SUGCT: variants seen among roughly 807,000 people sequenced by gnomAD.
SUGCT encodes the protein succinyl-CoA:glutarate CoA-transferase.
SUGCT carries 41 observed loss-of-function variants against 55.0 expected under a neutral mutation model. That is an observed-to-expected ratio of 0.74 (90% CI 0.58 to 0.97). The LOEUF (loss-of-function observed/expected upper bound fraction) is 0.97. Ranked by LOEUF, SUGCT falls within the 50% of genes least tolerant of loss-of-function variation. The pLI is 0.00. For missense variants in SUGCT, 568 were observed against 547.8 expected, an observed-to-expected ratio of 1.04 and a Z score of -0.37; for synonymous variants, 187 against 200.4, an observed-to-expected ratio of 0.93 and a Z score of 0.56.
At chr7:40,853,147 T>C (rs1309780785) in intron 13 of SUGCT, among the ~76,000 whole-genome samples, 2 of 151,928 alleles carry the variant, frequency 1.3e-5, no homozygotes, top group Non-Finnish European at 1.5e-5. Context: ...TTTGCTAATA[T>C]ATATGTAGAT....
chr7:41,018,762 T>G, the SUGCT span, among the ~76,000 whole-genome samples: 1 of 152,230 alleles, frequency 6.6e-6, no homozygotes, highest in Non-Finnish European at 1.5e-5. Context: ...GGTACTGCAT[T>G]AACTATTCTG....
At chr7:40,632,058 C>T (rs1273566974) in intron 12 of SUGCT, among the ~76,000 whole-genome samples, 2 of 152,168 alleles carry the variant, frequency 1.3e-5, no homozygotes, top group Non-Finnish European at 2.9e-5. Flanking sequence ...GGAGCAGGAT[C>T]TCATTTCCCA....
intron 9 of SUGCT, among the ~76,000 whole-genome samples, chr7:40,348,339 A>T (rs1199374423): frequency 6.6e-6 from 1 of 152,184 alleles, no homozygotes; most frequent in African/African-American, 2.4e-5. Flanking sequence ...TTCTGCTCTG[A>T]CCAGGGTCTG....
At chr7:40,859,805 C>T (rs1462603476) in intron 13 of SUGCT, among the ~76,000 whole-genome samples, 1 of 152,200 alleles carries the variant, frequency 6.6e-6, no homozygotes, top group African/African-American at 2.4e-5. Context: ...ACTTCTTCTA[C>T]CACCAAAAGC....
At chr7:40,737,952 C>T (rs1312085036) in intron 12 of SUGCT, among the ~76,000 whole-genome samples, 1 of 151,412 alleles carries the variant, frequency 6.6e-6, no homozygotes, top group African/African-American at 2.4e-5. Context: ...AGGCCGGGCG[C>T]AGAGGCTCAT....
At position 40,655,941 on chromosome 7, in the gene SUGCT, G is replaced by A. The variant is rs556190309; in HGVS notation, c.1090-93493G>A. 3.3e-5 allele frequency among the ~76,000 whole-genome samples: 5 copies of A among 152,168 alleles called. No individual in the cohort carries two copies. The East Asian group carries it at 9.7e-4, about 29-fold the overall frequency. On this transcript the variant is annotated intron_variant, in intron 12 of 13. Coordinates refer to ENST00000335693, the MANE Select transcript of SUGCT (RefSeq NM_001193313.2). ...TCATTATATTTGCCAAAAACATATT[G>A]CCTTTGGAAAAATAAGTTGTTAAAT...
At chr7:40,343,925 G>A (rs897104208) in intron 9 of SUGCT, among the ~76,000 whole-genome samples, 1 of 152,114 alleles carries the variant, frequency 6.6e-6, no homozygotes, top group African/African-American at 2.4e-5. Context: ...CAAAGTGCTG[G>A]GATTACAGGC....
chr7:41,012,770 A>T, the SUGCT span, among the ~76,000 whole-genome samples: 2 of 152,154 alleles, frequency 1.3e-5, no homozygotes, highest in Admixed American at 1.3e-4. Context: ...AAACTAAAAA[A>T]AAAAATTAAA....
intron 12 of SUGCT, chr7:40,498,947 T>C (rs1355189065): frequency 2.5e-6 from 1 of 403,396 alleles, no homozygotes; most frequent in African/African-American, 2.1e-5. Context: ...TCCTCATTTC[T>C]GATGATTGAA....
chr7:40,695,441 G>A (rs1405989332), intron 12 of SUGCT, among the ~76,000 whole-genome samples: 1 of 151,988 alleles, frequency 6.6e-6, no homozygotes, highest in Non-Finnish European at 1.5e-5. Flanking sequence ...CAAGTGATCT[G>A]CCTGCCTCGG....
rs920530334 is a variant in SUGCT at position 40,501,632 on chromosome 7, T to G, written c.1089+5246T>G. ...TTCATTCAGTCATCCCTTCCTTCATTCAATCATCCCTTCCTTCATTCAGTA... is the reference window on the plus strand; with the variant it reads ...TTCATTCAGTCATCCCTTCCTTCATGCAATCATCCCTTCCTTCATTCAGTA... On this transcript the variant is annotated intron_variant, in intron 12 of 13. Coordinates refer to ENST00000335693, the MANE Select transcript of SUGCT (RefSeq NM_001193313.2). 2.4e-4 allele frequency among the ~76,000 whole-genome samples: 36 copies of G among 152,112 alleles called. 1 individual carries two copies. Among genetic ancestry groups the G allele is most frequent in the Admixed American group, 1.9e-3 (29 of 15,258 alleles).
intron 12 of SUGCT, among the ~76,000 whole-genome samples, chr7:40,565,262 C>T (rs1796061973): frequency 6.6e-6 from 1 of 152,144 alleles, no homozygotes; most frequent in South Asian, 2.1e-4. Flanking sequence ...CTTAGGAAAC[C>T]TCCTTTCTGT....
At chr7:40,849,394 T>C (rs1323646329) in intron 13 of SUGCT, among the ~76,000 whole-genome samples, 1 of 152,160 alleles carries the variant, frequency 6.6e-6, no homozygotes, top group Admixed American at 6.5e-5. Flanking sequence ...AGTTGAGCAA[T>C]AGTTTGTTTC....
the SUGCT span, among the ~76,000 whole-genome samples, chr7:40,904,372 A>G: frequency 6.6e-6 from 1 of 152,222 alleles, no homozygotes; most frequent in Admixed American, 6.5e-5. Flanking sequence ...CTTTGTATAT[A>G]TACCAATGTG....
At chr7:40,582,507 T>C (rs1418816859) in intron 12 of SUGCT, among the ~76,000 whole-genome samples, 1 of 152,196 alleles carries the variant, frequency 6.6e-6, no homozygotes. Flanking sequence ...AATTCATAAT[T>C]TGGGTATTTG....
intron 13 of SUGCT, among the ~76,000 whole-genome samples, chr7:40,762,399 G>C (rs988406363): frequency 3.9e-5 from 6 of 152,134 alleles, no homozygotes; most frequent in African/African-American, 1.4e-4. Context: ...TGTATGACTA[G>C]TAGCGGTGAC....
chr7:40,623,918 G>A (rs1029770505), intron 12 of SUGCT, among the ~76,000 whole-genome samples: 1 of 152,018 alleles, frequency 6.6e-6, no homozygotes, highest in African/African-American at 2.4e-5. Flanking sequence ...TGTCTCTCTG[G>A]GATACTGGGT....
At chr7:40,630,363 A>G (rs1412954466) in intron 12 of SUGCT, among the ~76,000 whole-genome samples, 1 of 152,228 alleles carries the variant, frequency 6.6e-6, no homozygotes, top group Non-Finnish European at 1.5e-5. Flanking sequence ...TGGCTTGATT[A>G]GTTGACATTA....
chr7:40,796,585 A>T (rs981601991), intron 13 of SUGCT, among the ~76,000 whole-genome samples: 1 of 152,192 alleles, frequency 6.6e-6, no homozygotes, highest in African/African-American at 2.4e-5. Flanking sequence ...GGCAGCTTCC[A>T]TCATCATTCC....
Sources: gnomAD v4.1 joint callset for allele counts (sites outside exome capture counted in the v4.1 genomes callset) on GRCh38, gnomAD v4.1.1 for gene constraint, MANE v1.5 for transcripts, NCBI Gene and HGNC (gene_info 2026-07-23, HGNC 2026-07-21) for gene names.